Variants in ESPN observed in about 807,000 individuals in gnomAD.
ESPN encodes the protein espin, also known as autosomal recessive deafness type 36 protein.
ESPN carries 68 observed loss-of-function variants against 77.7 expected under a neutral mutation model. The ratio of observed to expected loss-of-function variants is 0.87; its 90% CI spans 0.72 to 1.07. The LOEUF (loss-of-function observed/expected upper bound fraction) is 1.07. Ranked by LOEUF, ESPN falls within the 50% of genes least tolerant of loss-of-function variation. The pLI is 0.00. For missense variants in ESPN, 1,060 were observed against 1,239.0 expected, an observed-to-expected ratio of 0.86 and a Z score of 2.17; for synonymous variants, 449 against 567.1, an observed-to-expected ratio of 0.79 and a Z score of 2.96.
intron 1 of ESPN, among the ~76,000 whole-genome samples, chr1:6,426,630 C>T (rs1013266236): frequency 2.6e-4 from 40 of 152,164 alleles, no homozygotes; most frequent in African/African-American, 9.4e-4. Context: ...AGGCCTGTGG[C>T]CCTCTCCTTA....
In ESPN at chr1:6,451,192, G is replaced by C. The variant is rs560613836; in HGVS notation, c.1916-411G>C. ...GGGTCACTGAGGCTTTGCTGATGTA[G>C]GGAGAGGGCCAGAGGGAGGCTCCAC... On this transcript the variant is annotated intron_variant, in intron 8 of 12. Coordinates refer to ENST00000645284, the MANE Select transcript of ESPN (RefSeq NM_031475.3). The surrounding 1 kb of genome is among the most constrained non-coding windows in gnomAD (Gnocchi z 4.3). 4 of 345,700 alleles carry C rather than the reference G, an allele frequency of 1.2e-5. No homozygotes were observed. The highest frequency in any genetic ancestry group is 8.5e-5 in the African/African-American group (4 of 47,024). The allele number at this position is 345,700 out of a possible 1,614,324, so 21.4% of individuals were successfully genotyped here.
rs1232532779 is a variant in ESPN, at chr1:6,427,505, C to T, written c.295-721C>T. ...CGGGGGGAGTTTTGTCCAAGCCCTCCCAGAGGCCACCACTAGCCTGCACCT... is the reference window on the plus strand; with the variant it reads ...CGGGGGGAGTTTTGTCCAAGCCCTCTCAGAGGCCACCACTAGCCTGCACCT... On this transcript the variant is annotated intron_variant, in intron 1 of 12. Coordinates refer to ENST00000645284, the MANE Select transcript of ESPN (RefSeq NM_031475.3). The surrounding 1 kb of genome is among the most constrained non-coding windows in gnomAD (Gnocchi z 4.6). Among the ~76,000 whole-genome samples, 1 of 152,144 alleles carries T rather than the reference C, an allele frequency of 6.6e-6. No homozygotes were observed. Among genetic ancestry groups the T allele is most frequent in the African/African-American group, 2.4e-5 (1 of 41,430 alleles).
Position 6,451,864 on chromosome 1 carries a change from C to T in ESPN, c.2093C>T (p.Ala698Val), listed in dbSNP as rs1422918488. ...TCGCCGCTGCCTTCTGTGTCACCTG[C>T]ACTGTCACCAGTCCGGAGCCCCACA... is the stretch of plus-strand genomic sequence containing the variant. ...PDSPLPSVSPALSPVRSPTPP... is the reference protein window; with the variant it reads ...PDSPLPSVSPVLSPVRSPTPP... Residue 698 changes from alanine (A) to valine (V), a missense_variant, in exon 10 of 13, where the codon GCA (alanine) becomes GTA (valine). By Grantham distance (64) the Ala-to-Val change is moderately conservative. Around this residue, in one of 3 missense-constraint regions of ESPN, gnomAD observed 374 missense variants for 381.4 expected, o/e 0.98. Transcript: ENST00000645284. The surrounding 1 kb of genome is among the most constrained non-coding windows in gnomAD (Gnocchi z 4.3). 6.2e-7 allele frequency: 1 copy of T among 1,611,822 alleles called. No homozygotes were observed.
At chr1:6,446,079 C>A (rs1643827131) in intron 7 of ESPN, 144 bp downstream of exon 7, 3 of 813,592 alleles carry the variant, frequency 3.7e-6, no homozygotes, top group Non-Finnish European at 5.9e-6. Context: ...AAGCTCCTGG[C>A]GAGTCCCACA....
chr1:6,451,965 G>GGT lies in ESPN; in HGVS notation c.2194_2195insGT (p.Val732GlyfsTer27), dbSNP rs775722436. On this transcript the variant is annotated frameshift_variant, in exon 10 of 13. Transcript: ENST00000645284. LOFTEE classifies it high-confidence loss of function. The surrounding 1 kb of genome is among the most constrained non-coding windows in gnomAD (Gnocchi z 4.3). ...GCCGCCCACTACTCCTGCGCCGGGA[G>GGT]TGCAGCTGGACGTGGAGGCTCTCAT... is the stretch of plus-strand genomic sequence containing the variant. 1 of 1,610,650 alleles carries GGT rather than the reference G, an allele frequency of 6.2e-7. No homozygotes were observed. Among genetic ancestry groups the GGT allele is most frequent in the South Asian group, 1.1e-5 (1 of 90,362 alleles).
At position 6,445,930 on chromosome 1, in the gene ESPN, A is replaced by G. The variant is rs1643819967; in HGVS notation, c.1459A>G (p.Lys487Glu). 3 of 1,612,140 alleles carry G rather than the reference A, an allele frequency of 1.9e-6. No homozygotes were observed. The African/African-American group carries it at 4.0e-5, about 22-fold the overall frequency. ...CCACGTGGAGACAGAGGCCCTCAAGAAGGAGGTAGTGAGCCCTCACCCCCT... is the reference window on the plus strand; with the variant it reads ...CCACGTGGAGACAGAGGCCCTCAAGGAGGAGGTAGTGAGCCCTCACCCCCT... ...LRHVETEALKKELSSCDGHDG... is the reference protein window; with the variant it reads ...LRHVETEALKEELSSCDGHDG... The change falls in exon 7 of 13, where the codon AAG becomes GAG. Residue 487 changes from lysine (K) to glutamate (E), a missense_variant. Transcript: ENST00000645284.
intron 1 of ESPN, among the ~76,000 whole-genome samples, chr1:6,426,672 T>TG (rs1220779157): frequency 4.6e-5 from 7 of 152,140 alleles, no homozygotes; most frequent in Admixed American, 3.9e-4. Context: ...CCAGAGCCAG[T>TG]GGGACCCCTG....
rs111589776 is a variant in ESPN, at chr1:6,427,719, A to G, written c.295-507A>G. On this transcript the variant is annotated intron_variant, in intron 1 of 12. Coordinates refer to ENST00000645284, the MANE Select transcript of ESPN (RefSeq NM_031475.3). This position sits in a 1 kb window ranked among gnomAD's most constrained non-coding sequence, Gnocchi z 4.6. ...GTGGAGGTCTCTGTTCCCACGTGAC[A>G]CCGAGGAAGGGTGGAGAGATCGGGG... 4.6e-5 allele frequency among the ~76,000 whole-genome samples: 7 copies of G among 152,304 alleles called. No individual in the cohort carries two copies. Among genetic ancestry groups the G allele is most frequent in the African/African-American group, 1.7e-4 (7 of 41,568 alleles).
chr1:6,457,143 C>T, intron 10 of ESPN, 41 bp from the exon 11 acceptor site: 1 of 1,557,446 alleles, frequency 6.4e-7, no homozygotes. Context: ...CCCCTATCTC[C>T]CAGCCCCTGC....
At position 6,428,122 on chromosome 1, in the gene ESPN, A is replaced by G; in HGVS notation, c.295-104A>G. The G allele has an allele frequency of 8.1e-7, 1 of 1,240,954 alleles. No homozygotes were observed. Among genetic ancestry groups the G allele is most frequent in the South Asian group, 1.2e-5 (1 of 82,034 alleles). 76.9% of individuals were successfully genotyped at this position (1,240,954 alleles called of 1,614,324 possible). A position where few individuals can be genotyped will look rare whatever the true frequency, so the allele number is the denominator to read the frequency against. On this transcript the variant is annotated intron_variant, in intron 1 of 12. Coordinates refer to ENST00000645284, the MANE Select transcript of ESPN (RefSeq NM_031475.3). This position sits in a 1 kb window ranked among gnomAD's most constrained non-coding sequence, Gnocchi z 5.4. ...TGGCCAATCCCTCCAGGGAAGACAG[A>G]GAGCACAGAGCTACCTTCCAGGCCT...
At chr1:6,443,166 CT>C (rs1643706297) in intron 5 of ESPN, 1 of 139,004 alleles carries the variant, frequency 7.2e-6, no homozygotes, top group Non-Finnish European at 1.5e-5. Flanking sequence ...GAATGAAACT[CT>C]GTCTAAAAAA....
intron 7 of ESPN, 79 bp downstream of exon 7, chr1:6,446,014 C>T: frequency 6.9e-7 from 1 of 1,448,006 alleles, no homozygotes; most frequent in Non-Finnish European, 9.6e-7. Flanking sequence ...AAGGCCTGGC[C>T]TCACTAGTGG....
chr1:6,431,290 A>T (rs1223025462), intron 2 of ESPN, among the ~76,000 whole-genome samples: 1 of 152,138 alleles, frequency 6.6e-6, no homozygotes, highest in African/African-American at 2.4e-5. Flanking sequence ...CCTACCCCCG[A>T]CCAGACTAGA....
intron 10 of ESPN, chr1:6,454,402 C>T (rs1056497990): frequency 5.0e-6 from 2 of 398,760 alleles, no homozygotes; most frequent in African/African-American, 2.1e-5. Context: ...GGAGACGCGC[C>T]TCCCTCCCCT....
chr1:6,443,165 T>G (rs1442813410), intron 5 of ESPN: 1 of 140,314 alleles, frequency 7.1e-6, no homozygotes, highest in Non-Finnish European at 1.5e-5. Context: ...AGAATGAAAC[T>G]CTGTCTAAAA....
chr1:6,425,262 G>A lies in ESPN; in HGVS notation c.294+13G>A, dbSNP rs1452427554. On this transcript the variant is annotated intron_variant, in intron 1 of 12. Transcript: ENST00000645284. ...CTGCAGAGTGCAGGTGGGTCCGCGCGGTTCGCCAGGGGCACTGAGGCTTCC... is the reference window on the plus strand; with the variant it reads ...CTGCAGAGTGCAGGTGGGTCCGCGCAGTTCGCCAGGGGCACTGAGGCTTCC... 2 of 1,566,968 alleles carry A rather than the reference G, an allele frequency of 1.3e-6. No individual in the cohort carries two copies. The highest frequency in any genetic ancestry group is 1.2e-5 in the South Asian group (1 of 86,906).
intron 7 of ESPN, chr1:6,446,889 G>A (rs1643859472): frequency 6.6e-6 from 1 of 152,248 alleles, no homozygotes; most frequent in African/African-American, 2.4e-5. Context: ...CTGGGCAAGG[G>A]AGGCATGGGA....
At position 6,448,966 on chromosome 1, in the gene ESPN, C is replaced by A; in HGVS notation, c.1790C>A (p.Pro597Gln). 2 of 1,407,432 alleles carry A rather than the reference C, an allele frequency of 1.4e-6. No homozygotes were observed. The highest frequency in any genetic ancestry group is 1.4e-5 in the South Asian group (1 of 70,478). The allele number at this position is 1,407,432 out of a possible 1,614,324, so 87.2% of individuals were successfully genotyped here. The change falls in exon 8 of 13, where the codon CCG (proline) becomes CAG (glutamine). Residue 597 changes from proline (P) to glutamine (Q), a missense_variant. Pro to Gln is a moderately conservative substitution (Grantham distance 76). This residue lies in a region of ESPN where 374 missense variants were observed against 381.4 expected (regional missense o/e 0.98). Coordinates refer to ENST00000645284, the MANE Select transcript of ESPN (RefSeq NM_031475.3). ...ADPKASRELP[P>Q]PPPPPPPPLP... ...CCCAAGGCGTCCAGGGAGCTGCCAC[C>A]GCCGCCCCCACCGCCGCCGCCGCCC...
In ESPN at chr1:6,448,961, G is replaced by C. The variant is rs1197540606; in HGVS notation, c.1785G>C (p.Leu595=). The change falls in exon 8 of 13, where the codon CTG becomes CTC. Residue 595 remains leucine (L), a synonymous_variant. Coordinates refer to ENST00000645284, the MANE Select transcript of ESPN (RefSeq NM_031475.3). ...CAADPKASRE[L]PPPPPPPPPP... ...CGGACCCCAAGGCGTCCAGGGAGCT[G>C]CCACCGCCGCCCCCACCGCCGCCGC... The C allele has an allele frequency of 5.6e-6, 8 of 1,423,812 alleles. No homozygotes were observed. The highest frequency in any genetic ancestry group is 7.3e-6 in the Non-Finnish European group (8 of 1,094,734). 88.2% of individuals were successfully genotyped at this position (1,423,812 alleles called of 1,614,324 possible).
Sources: allele counts gnomAD v4.1 joint callset (sites outside exome capture counted in the v4.1 genomes callset), GRCh38; gene constraint gnomAD v4.1.1; regional missense constraint gnomAD v4.1.1; non-coding constraint Gnocchi (gnomAD v3.1); transcripts MANE v1.5; gene names NCBI Gene and HGNC (gene_info 2026-07-23, HGNC 2026-07-21).